Variants in WDHD1 observed in about 807,000 individuals in gnomAD.
The protein encoded by WDHD1 is WD repeat and HMG-box DNA-binding protein 1.
Under a neutral mutation model 135.4 loss-of-function variants are expected in WDHD1, and 111 were observed. The ratio of observed to expected loss-of-function variants is 0.82; its 90% confidence interval spans 0.70 to 0.96. The LOEUF is 0.96. Ranked by LOEUF, WDHD1 falls within the 40% of genes least tolerant of loss-of-function variation. The pLI is 0.00. For synonymous variants in WDHD1, 434 were observed against 439.0 expected, an observed-to-expected ratio of 0.99 and a Z score of 0.14; for missense variants, 1,351 against 1,336.3, an observed-to-expected ratio of 1.01 and a Z score of -0.17.
At chr14:54,945,757 T>C (rs1054048776) in intron 24 of WDHD1, among the ~76,000 whole-genome samples, 15 of 152,120 alleles carry the variant, frequency 9.9e-5, no homozygotes, top group African/African-American at 3.6e-4. Flanking sequence ...GCCAGGTGGG[T>C]CTCGAACTCC....
intron 2 of WDHD1, among the ~76,000 whole-genome samples, chr14:55,021,302 ACTT>A (rs749228402): frequency 4.6e-5 from 7 of 152,284 alleles, no homozygotes; most frequent in Non-Finnish European, 7.4e-5. Context: ...TTCTGGCACT[ACTT>A]CTTCTACATC....
chr14:54,952,540 T>C (rs1470378480), intron 24 of WDHD1, among the ~76,000 whole-genome samples: 2 of 152,194 alleles, frequency 1.3e-5, no homozygotes, highest in Non-Finnish European at 2.9e-5. Flanking sequence ...ATAGGAAGAA[T>C]CACTATCGTG....
intron 2 of WDHD1, among the ~76,000 whole-genome samples, chr14:55,016,718 G>C (rs993371079): frequency 1.3e-5 from 2 of 152,180 alleles, no homozygotes; most frequent in Non-Finnish European, 2.9e-5. Flanking sequence ...AACCTTAATT[G>C]ATTTAAACCT....
chr14:55,012,007 A>G (rs1265423753), intron 3 of WDHD1, among the ~76,000 whole-genome samples: 1 of 152,126 alleles, frequency 6.6e-6, no homozygotes, highest in Non-Finnish European at 1.5e-5. Context: ...CTAAAAAAAA[A>G]AAGTTTCTCA....
rs2040834556 is a variant in WDHD1, at chr14:54,941,380, C to T, written c.*110G>A. On this transcript the variant is annotated 3_prime_UTR_variant, in exon 26 of 26. Transcript: ENST00000360586. ...ATTATCTTATAAAGACAAACAGTTGCTTCAAACTCTTTAAAAAATATATAT... is the reference window on the plus strand; with the variant it reads ...ATTATCTTATAAAGACAAACAGTTGTTTCAAACTCTTTAAAAAATATATAT... The T allele has an allele frequency of 4.5e-6, 4 of 892,492 alleles. No homozygotes were observed. Among genetic ancestry groups the T allele is most frequent in the Non-Finnish European group, 4.9e-6 (3 of 615,204 alleles). 55.3% of individuals were successfully genotyped at this position (892,492 alleles called of 1,614,324 possible).
chr14:54,998,279 T>C (rs1166865947), intron 10 of WDHD1, among the ~76,000 whole-genome samples: 1 of 151,950 alleles, frequency 6.6e-6, no homozygotes, highest in Non-Finnish European at 1.5e-5. Flanking sequence ...TTCACAGATG[T>C]GAAATTAGCC....
intron 2 of WDHD1, among the ~76,000 whole-genome samples, chr14:55,025,607 C>A (rs1594602833): frequency 6.6e-6 from 1 of 152,358 alleles, no homozygotes; most frequent in Admixed American, 6.5e-5. Flanking sequence ...GATCACATCT[C>A]TCTGCTTCAA....
chr14:54,970,126 T>C (rs1223898809), intron 16 of WDHD1, among the ~76,000 whole-genome samples: 2 of 152,192 alleles, frequency 1.3e-5, no homozygotes, highest in Non-Finnish European at 2.9e-5. Context: ...GCATTACCCT[T>C]AAGAATTGGA....
chr14:55,002,320 GA>G (rs776097151), intron 7 of WDHD1, 135 bp from the exon 8 acceptor site: 9 of 637,670 alleles, frequency 1.4e-5, no homozygotes, highest in Middle Eastern at 4.5e-4. Flanking sequence ...CTGTTTTTAA[GA>G]GACGGTGTCT....
intron 24 of WDHD1, among the ~76,000 whole-genome samples, chr14:54,952,466 C>T (rs138807592): frequency 0.041 from 6,275 of 152,276 alleles, 155 homozygotes; most frequent in African/African-American, 0.061. Flanking sequence ...AAGAGAACTA[C>T]AAACCACTGC....
intron 16 of WDHD1, among the ~76,000 whole-genome samples, chr14:54,969,964 A>G (rs1049986993): frequency 1.3e-5 from 2 of 152,250 alleles, no homozygotes; most frequent in Admixed American, 1.3e-4. Flanking sequence ...GATCATCTCA[A>G]TAGATGCAGA....
chr14:54,965,669 T>C (rs986682627), intron 18 of WDHD1, among the ~76,000 whole-genome samples: 4 of 152,098 alleles, frequency 2.6e-5, no homozygotes, highest in African/African-American at 7.2e-5. Flanking sequence ...GTTTTATTTA[T>C]TTTAGGCTGG....
At chr14:54,990,579 G>A (rs1368654667) in intron 12 of WDHD1, among the ~76,000 whole-genome samples, 2 of 148,318 alleles carry the variant, frequency 1.3e-5, no homozygotes, top group South Asian at 4.2e-4. Flanking sequence ...CTGGGCAACA[G>A]AGCGAGACTC....
At chr14:54,950,693 C>T (rs1230031491) in intron 24 of WDHD1, among the ~76,000 whole-genome samples, 1 of 152,196 alleles carries the variant, frequency 6.6e-6, no homozygotes, top group East Asian at 1.9e-4. Context: ...ACAGAATATA[C>T]ATTCTTCTGA....
intron 24 of WDHD1, among the ~76,000 whole-genome samples, chr14:54,945,936 A>C (rs1033558572): frequency 9.2e-5 from 14 of 152,214 alleles, no homozygotes; most frequent in Admixed American, 2.6e-4. Context: ...AAGGTTAAAA[A>C]AATTTTTATT....
intron 16 of WDHD1, 148 bp from the exon 17 acceptor site, chr14:54,967,542 A>G: frequency 1.9e-6 from 1 of 534,942 alleles, no homozygotes. Context: ...TCTTTTTAAA[A>G]AAGTGTTTTA....
At chr14:55,006,223 CTTTA>C (rs376263085) in intron 7 of WDHD1, among the ~76,000 whole-genome samples, 4 of 152,264 alleles carry the variant, frequency 2.6e-5, no homozygotes, top group African/African-American at 9.6e-5. Flanking sequence ...GAACTGACAT[CTTTA>C]TTTATATCAA....
At chr14:54,962,685 A>G (rs2041271262) in intron 20 of WDHD1, 53 bp downstream of exon 20, 2 of 1,595,406 alleles carry the variant, frequency 1.3e-6, no homozygotes, top group South Asian at 2.2e-5. Context: ...AAAATGGGAA[A>G]AGCCACATCC....
chr14:54,951,187 C>A (rs1389926489), intron 24 of WDHD1, among the ~76,000 whole-genome samples: 4 of 151,494 alleles, frequency 2.6e-5, no homozygotes, highest in Admixed American at 2.0e-4. Context: ...AAAAAGCCTT[C>A]AAAAAATCAA....
Sources: gnomAD v4.1 joint callset for allele counts (sites outside exome capture counted in the v4.1 genomes callset) on GRCh38, gnomAD v4.1.1 for gene constraint, MANE v1.5 for transcripts, NCBI Gene and HGNC (gene_info 2026-07-23, HGNC 2026-07-21) for gene names.